The following NPAS3 variants were observed in gnomAD, a reference collection of about 807,000 sequenced individuals.
The protein encoded by NPAS3 is neuronal PAS domain-containing protein 3.
A neutral mutation model predicts 73.1 loss-of-function variants in NPAS3; 14 were observed. The observed-to-expected ratio is 0.19, with a 90% CI of 0.13 to 0.30. The LOEUF (loss-of-function observed/expected upper bound fraction) is 0.30, where lower values mean the gene tolerates loss of function less well. Ranked by LOEUF, NPAS3 falls within the 10% of genes least tolerant of loss-of-function variation. The pLI is 1.00. For missense variants in NPAS3, 1,096 were observed against 1,250.0 expected (o/e 0.88, Z 1.86); for synonymous variants, 620 against 541.5 (o/e 1.14, Z -2.01).
At chr14:33,119,657 G>A (rs11847439) in intron 2 of NPAS3, among the ~76,000 whole-genome samples, 35,697 of 152,030 alleles carry the variant, frequency 0.23, 4,907 homozygotes, top group Admixed American at 0.41. Flanking sequence ...CTGTGTCACC[G>A]TGCACCAGGA....
intron 4 of NPAS3, among the ~76,000 whole-genome samples, chr14:33,517,114 T>A (rs2140066593): frequency 6.6e-6 from 1 of 152,228 alleles, no homozygotes; most frequent in East Asian, 1.9e-4. Context: ...GCATCCTATA[T>A]TCACTGAAAA....
At chr14:33,332,683 T>TCC (rs1566804946) in intron 3 of NPAS3, among the ~76,000 whole-genome samples, 1 of 152,142 alleles carries the variant, frequency 6.6e-6, no homozygotes, top group Non-Finnish European at 1.5e-5. Flanking sequence ...GCTTCCGATT[T>TCC]TTCTACATGG....
chr14:33,067,717 C>T (rs1409735396), intron 2 of NPAS3, among the ~76,000 whole-genome samples: 1 of 152,236 alleles, frequency 6.6e-6, no homozygotes, highest in Non-Finnish European at 1.5e-5. Context: ...TCGGGTGTAA[C>T]ATGGCTGGCC....
chr14:32,998,339 C>T lies in NPAS3; in HGVS notation c.51-57566C>T, dbSNP rs113880287. Reference sequence around the variant, plus strand: ...TTCAGAATAGGTAAATCTATACAGACAGAACACATATTGGTGGTTACCAGG... The same window carrying T: ...TTCAGAATAGGTAAATCTATACAGATAGAACACATATTGGTGGTTACCAGG... On this transcript the variant is annotated intron_variant, in intron 1 of 11. Transcript: ENST00000356141. 9.3e-4 allele frequency among the ~76,000 whole-genome samples: 142 copies of T among 152,100 alleles called. 1 individual carries two copies. Among genetic ancestry groups the T allele is most frequent in the African/African-American group, 3.3e-3 (136 of 41,522 alleles).
intron 1 of NPAS3, among the ~76,000 whole-genome samples, chr14:32,955,670 C>A (rs1247111722): frequency 6.6e-6 from 1 of 152,022 alleles, no homozygotes; most frequent in Non-Finnish European, 1.5e-5. Flanking sequence ...TTTTGCACCC[C>A]CAGTGCTGAA....
At chr14:33,442,132 G>A (rs2049278058) in intron 4 of NPAS3, among the ~76,000 whole-genome samples, 1 of 152,176 alleles carries the variant, frequency 6.6e-6, no homozygotes. Flanking sequence ...TCTCAGTAGG[G>A]TGAAGACTGG....
At chr14:33,702,946 T>C (rs1363803140) in intron 6 of NPAS3, among the ~76,000 whole-genome samples, 2 of 152,194 alleles carry the variant, frequency 1.3e-5, no homozygotes, top group African/African-American at 4.8e-5. Context: ...CTAGAAGATA[T>C]AAGCCACATT....
chr14:33,068,350 G>C (rs1177320077), intron 2 of NPAS3, among the ~76,000 whole-genome samples: 1 of 152,106 alleles, frequency 6.6e-6, no homozygotes, highest in Non-Finnish European at 1.5e-5. Context: ...ATTCATTCTT[G>C]TTAGGCACAA....
chr14:33,021,749 C>T (rs1163050606), intron 1 of NPAS3, among the ~76,000 whole-genome samples: 1 of 152,092 alleles, frequency 6.6e-6, no homozygotes, highest in Non-Finnish European at 1.5e-5. Flanking sequence ...TTAACATTAA[C>T]TTAGGTAATA....
intron 3 of NPAS3, among the ~76,000 whole-genome samples, chr14:33,366,135 G>A (rs12432607): frequency 1.3e-5 from 2 of 152,132 alleles, no homozygotes; most frequent in African/African-American, 2.4e-5. Context: ...ATTTCTGTAC[G>A]TCACTTCCCT....
At chr14:33,690,643 G>A (rs1195728565) in intron 6 of NPAS3, among the ~76,000 whole-genome samples, 1 of 152,066 alleles carries the variant, frequency 6.6e-6, no homozygotes, top group Admixed American at 6.5e-5. Flanking sequence ...ATGTAAAAGA[G>A]AGGCAGAAAC....
At chr14:33,769,756 CTTTTT>C (rs916953785) in intron 7 of NPAS3, among the ~76,000 whole-genome samples, 67 of 81,876 alleles carry the variant, frequency 8.2e-4, no homozygotes, top group Admixed American at 1.5e-3. Context: ...TTTTTTTTTT[CTTTTT>C]TTTTTTTTTT....
intron 2 of NPAS3, among the ~76,000 whole-genome samples, chr14:33,127,009 T>C (rs564485634): frequency 3.3e-5 from 5 of 152,202 alleles, no homozygotes; most frequent in South Asian, 2.1e-4. Flanking sequence ...TGAAGCTACC[T>C]GAATTTCCTA....
In NPAS3 at chr14:32,949,970, C is replaced by T. The variant is rs562448016; in HGVS notation, c.50+10604C>T. Among the ~76,000 whole-genome samples, 6 of 151,916 alleles carry T rather than the reference C, an allele frequency of 3.9e-5. No homozygotes were observed. The East Asian group carries it at 1.2e-3, about 29-fold the overall frequency. On this transcript the variant is annotated intron_variant, in intron 1 of 11. Coordinates refer to ENST00000356141, the Ensembl canonical transcript of NPAS3. The stretch of plus-strand genomic sequence containing the variant: ...ATTTTGGAATTTTTGGTTTATTATA[C>T]ACCAAAGTATAGAGGAAATAGTGTA...
intron 3 of NPAS3, among the ~76,000 whole-genome samples, chr14:33,342,079 C>T (rs980612363): frequency 2.0e-5 from 3 of 152,128 alleles, no homozygotes; most frequent in Non-Finnish European, 1.5e-5. Context: ...GTGTCTTCCA[C>T]GTGTCCTGAC....
chr14:33,789,347 G>C (rs947349680), intron 9 of NPAS3, among the ~76,000 whole-genome samples: 2 of 152,042 alleles, frequency 1.3e-5, no homozygotes, highest in Admixed American at 1.3e-4. Flanking sequence ...GTTTTCCTTC[G>C]AGCAACAACA....
rs564906690 is a variant in NPAS3 at position 33,389,912 on chromosome 14, C to T, written c.468+22644C>T. ...CATTAAATATTACCTTGAATATACACTCCCCAGCAGTCGCATTCTGATAGT... is the reference window on the plus strand; with the variant it reads ...CATTAAATATTACCTTGAATATACATTCCCCAGCAGTCGCATTCTGATAGT... On this transcript the variant is annotated intron_variant, in intron 4 of 11. Transcript: ENST00000356141. 1.1e-3 allele frequency among the ~76,000 whole-genome samples: 173 copies of T among 152,174 alleles called. 4 individuals are homozygous for T. In the South Asian group the frequency reaches 0.034, roughly 30 times the overall value.
At chr14:33,525,744 T>G (rs1307532648) in intron 4 of NPAS3, among the ~76,000 whole-genome samples, 1 of 152,116 alleles carries the variant, frequency 6.6e-6, no homozygotes, top group African/African-American at 2.4e-5. Flanking sequence ...AGAAGTTGTT[T>G]CTGAAATGTT....
Position 33,142,990 on chromosome 14 carries a change from A to G in NPAS3, c.141-72192A>G, listed in dbSNP as rs536438439. 1.1e-4 allele frequency among the ~76,000 whole-genome samples: 16 copies of G among 152,298 alleles called. No individual in the cohort carries two copies. In the South Asian group the frequency reaches 3.3e-3, roughly 32 times the overall value. The stretch of plus-strand genomic sequence containing the variant: ...CATGGTGACAGGCACCTGTAATCCC[A>G]GCTACTCCAGAGGCTCAGGCAGGAG... On this transcript the variant is annotated intron_variant, in intron 2 of 11. Transcript: ENST00000356141.
Sources: gnomAD v4.1 joint callset for allele counts (sites outside exome capture counted in the v4.1 genomes callset) on GRCh38, gnomAD v4.1.1 for gene constraint, MANE v1.5 for transcripts, NCBI Gene and HGNC (gene_info 2026-07-23, HGNC 2026-07-21) for gene names.